RPUSD4: variants seen among roughly 807,000 people sequenced by gnomAD.
RPUSD4 encodes RNA pseudouridine synthase D4, also known as pseudouridylate synthase RPUSD4, mitochondrial.
Under a neutral mutation model 35.4 loss-of-function variants are expected in RPUSD4, and 37 were observed. That is an observed-to-expected ratio of 1.04 (90% CI 0.80 to 1.37). The LOEUF (loss-of-function observed/expected upper bound fraction) is 1.37. RPUSD4 is among the 40% of genes most tolerant of loss of function. The pLI is 0.00. For synonymous variants in RPUSD4, 210 were observed against 192.7 expected (o/e 1.09, Z -0.74); for missense variants, 507 against 484.9 (o/e 1.05, Z -0.43).
rs1949766687 is a variant in RPUSD4 at position 126,205,733 on chromosome 11, G to C, written c.606C>G (p.Ile202Met). 1.2e-6 allele frequency: 2 copies of C among 1,613,126 alleles called. No homozygotes were observed. Among genetic ancestry groups the C allele is most frequent in the Admixed American group, 3.3e-5 (2 of 59,926 alleles). Residue 202 changes from isoleucine (I) to methionine (M), a missense_variant, in exon 4 of 7, where the codon ATC (isoleucine) becomes ATG (methionine). Coordinates refer to ENST00000298317, the MANE Select transcript of RPUSD4 (RefSeq NM_032795.3). Reference sequence around the variant, plus strand: ...CTTGCGCCTCCTTCTCCACAATGGGGATGTCCACGACTCCTGCTGAGGGCA... The same window carrying C: ...CTTGCGCCTCCTTCTCCACAATGGGCATGTCCACGACTCCTGCTGAGGGCA... ...VPMPSAGVVD[I>M]PIVEKEAQGQ...
Position 126,205,604 on chromosome 11 carries a change from CA to C in RPUSD4, c.659del (p.Leu220CysfsTer13). On this transcript the variant is annotated frameshift_variant, in exon 5 of 7. Coordinates refer to ENST00000298317, the MANE Select transcript of RPUSD4 (RefSeq NM_032795.3). LOFTEE classifies it high-confidence loss of function. ...QGQQQHHKMT[L>X]SPSYRMDDGK... Reference sequence around the variant, plus strand: ...CATCGTCCATGCGGTAGCTCGGGGACAATGTCATCTGAAGCCAAAGAAATCA... The same window carrying C: ...CATCGTCCATGCGGTAGCTCGGGGACATGTCATCTGAAGCCAAAGAAATCA... 1 of 1,614,254 alleles carries C rather than the reference CA, an allele frequency of 6.2e-7. No individual in the cohort carries two copies. The highest frequency in any genetic ancestry group is 8.5e-7 in the Non-Finnish European group (1 of 1,180,038).
Position 126,204,227 on chromosome 11 carries a change from T to C in RPUSD4, c.894+4A>G, listed in dbSNP as rs752090699. 1.2e-6 allele frequency: 2 copies of C among 1,606,414 alleles called. No homozygotes were observed. Among genetic ancestry groups the C allele is most frequent in the Non-Finnish European group, 8.5e-7 (1 of 1,173,984 alleles). The stretch of plus-strand genomic sequence containing the variant: ...TGCTGCACATTGGGTCAAATTAGTA[T>C]TACCTGGGGGGCCAACCTATTCCAG... On this transcript the variant is annotated splice_donor_region_variant and intron_variant, in intron 6 of 6. Coordinates refer to ENST00000298317, the MANE Select transcript of RPUSD4 (RefSeq NM_032795.3).
At chr11:126,203,679 C>G (rs777723334) in intron 6 of RPUSD4, 22 bp from the exon 7 acceptor site, 24 of 1,599,078 alleles carry the variant, frequency 1.5e-5, no homozygotes, top group Admixed American at 3.4e-5. Context: ...AAGGACAGAC[C>G]CTTGAGAGCA....
At chr11:126,208,329 A>G (rs773722654) in intron 3 of RPUSD4, among the ~76,000 whole-genome samples, 2 of 152,250 alleles carry the variant, frequency 1.3e-5, no homozygotes, top group Non-Finnish European at 2.9e-5. Flanking sequence ...ACAGCTCTAA[A>G]CGTATGACAC....
intron 3 of RPUSD4, 58 bp downstream of exon 3, chr11:126,209,463 T>C (rs1405577281): frequency 2.1e-6 from 3 of 1,422,358 alleles, no homozygotes; most frequent in Non-Finnish European, 2.9e-6. Context: ...AATGAATAAA[T>C]AGGTGAAAGA....
intron 2 of RPUSD4, among the ~76,000 whole-genome samples, chr11:126,209,977 T>G (rs1949825303): frequency 6.6e-6 from 1 of 152,182 alleles, no homozygotes; most frequent in African/African-American, 2.4e-5. Flanking sequence ...CATATTAAAG[T>G]TTGAGAAACA....
At position 126,205,832 on chromosome 11, in the gene RPUSD4, C is replaced by A. The variant is rs1017312601; in HGVS notation, c.558-51G>T. On this transcript the variant is annotated intron_variant, in intron 3 of 6. Coordinates refer to ENST00000298317, the MANE Select transcript of RPUSD4 (RefSeq NM_032795.3). ...TAGCCAACCAAGCCAGAGAAGAACT[C>A]CTAGATTTGGCCACTTAGAGGATTT... The A allele has an allele frequency of 4.2e-6, 6 of 1,442,608 alleles. No individual in the cohort carries two copies. The South Asian group carries it at 6.8e-5, about 16-fold the overall frequency. The allele number at this position is 1,442,608 out of a possible 1,614,324, so 89.4% of individuals were successfully genotyped here.
At chr11:126,204,387 C>A in intron 5 of RPUSD4, 59 bp from the exon 6 acceptor site, 1 of 1,244,570 alleles carries the variant, frequency 8.0e-7, no homozygotes, top group East Asian at 2.4e-5. Flanking sequence ...GAAACAATAC[C>A]AGTATTGGCA....
In RPUSD4 at chr11:126,205,504, G is replaced by C. The variant is rs1355126007; in HGVS notation, c.760C>G (p.Leu254Val). The C allele has an allele frequency of 1.1e-5, 17 of 1,614,276 alleles. 1 individual carries two copies. In the South Asian group the frequency reaches 1.5e-4, roughly 15 times the overall value. The change falls in exon 5 of 7, where the codon CTC becomes GTC. Residue 254 changes from leucine to valine, a missense_variant. By Grantham distance (32) the Leu-to-Val change is conservative. Coordinates refer to ENST00000298317, the MANE Select transcript of RPUSD4 (RefSeq NM_032795.3). ...VTQYQVLSST[L>V]SSALVELQPI... ...TGGAGCTCCACGAGGGCGGAGGAGA[G>C]AGTGCTGCTGAGCACCTGGTACTGA...
At chr11:126,209,392 A>AT (rs1202511533) in intron 3 of RPUSD4, 129 bp downstream of exon 3, 2 of 757,340 alleles carry the variant, frequency 2.6e-6, no homozygotes, top group East Asian at 2.5e-5. Context: ...TGTTTCACAT[A>AT]TTTTTTACAA....
At chr11:126,210,127 C>A (rs1398712910) in intron 2 of RPUSD4, among the ~76,000 whole-genome samples, 2 of 152,134 alleles carry the variant, frequency 1.3e-5, no homozygotes, top group Admixed American at 1.3e-4. Flanking sequence ...TTCTTACTAG[C>A]CATTTTTTTG....
At position 126,209,534 on chromosome 11, in the gene RPUSD4, C is replaced by A. The variant is rs749960965; in HGVS notation, c.544G>T (p.Val182Leu). ...VQELFRTRQV[V>L]KKYWAITVHV... The stretch of plus-strand genomic sequence containing the variant: ...CAGGCCTCATACCAGTACTTCTTCA[C>A]CACCTGACGGGTTCTAAACAACTCT... The change falls in exon 3 of 7, where the codon GTG (valine) becomes TTG (leucine). Residue 182 changes from valine to leucine, a missense_variant. Transcript: ENST00000298317. 31 of 1,614,090 alleles carry A rather than the reference C, an allele frequency of 1.9e-5. No homozygotes were observed. The highest frequency in any genetic ancestry group is 2.5e-5 in the Non-Finnish European group (29 of 1,180,028).
At chr11:126,208,840 A>G (rs1949806378) in intron 3 of RPUSD4, 1 of 150,634 alleles carries the variant, frequency 6.6e-6, no homozygotes, top group Admixed American at 6.6e-5. Context: ...GAACCAGAGG[A>G]AAAAAAACCA....
chr11:126,204,838 T>C (rs1156777239), intron 5 of RPUSD4, among the ~76,000 whole-genome samples: 1 of 152,180 alleles, frequency 6.6e-6, no homozygotes, highest in Non-Finnish European at 1.5e-5. Context: ...AACAATTCCC[T>C]ATTTATCTCC....
Position 126,203,289 on chromosome 11 carries a change from G to C in RPUSD4, c.*129C>G. On this transcript the variant is annotated 3_prime_UTR_variant, in exon 7 of 7. Transcript: ENST00000298317. The stretch of plus-strand genomic sequence containing the variant: ...ATCCCACCTGGCTCTTACGCAGTCT[G>C]TTCCAAGTGAGAAGTTAGCAGAGTC... 7.1e-7 allele frequency: 1 copy of C among 1,401,008 alleles called. No homozygotes were observed. 86.8% of individuals were successfully genotyped at this position (1,401,008 alleles called of 1,614,324 possible).
intron 1 of RPUSD4, 159 bp downstream of exon 1, chr11:126,211,291 C>T: frequency 2.1e-6 from 2 of 956,320 alleles, no homozygotes; most frequent in Non-Finnish European, 1.6e-6. Context: ...AACACCGTAC[C>T]CTTACTGACC....
In RPUSD4 at chr11:126,203,395, G is replaced by A. The variant is rs372548293; in HGVS notation, c.*23C>T. The A allele has an allele frequency of 6.9e-6, 11 of 1,604,858 alleles. No individual in the cohort carries two copies. In the African/African-American group the frequency reaches 9.6e-5, roughly 14 times the overall value. On this transcript the variant is annotated 3_prime_UTR_variant, in exon 7 of 7. Transcript: ENST00000298317. ...CTCAGGGTCTTCACTGTGCTCCCAG[G>A]TGCCAGGGTGCTCCCATGGTCTTCA...
In RPUSD4 at chr11:126,205,531, T is replaced by A; in HGVS notation, c.733A>T (p.Thr245Ser). 6.2e-7 allele frequency: 1 copy of A among 1,614,206 alleles called. No individual in the cohort carries two copies. Among genetic ancestry groups the A allele is most frequent in the Non-Finnish European group, 8.5e-7 (1 of 1,180,040 alleles). The part of the protein sequence containing the change: ...RRSRNAQVAV[T>S]QYQVLSSTLS... ...GTGCTGCTGAGCACCTGGTACTGAG[T>A]TACAGCAACTTGCGCATTCCGGCTG... Residue 245 changes from threonine to serine, a missense_variant, in exon 5 of 7, where the codon ACT (threonine) becomes TCT (serine). Transcript: ENST00000298317.
At chr11:126,211,339 T>G in intron 1 of RPUSD4, 111 bp downstream of exon 1, 1 of 1,232,352 alleles carries the variant, frequency 8.1e-7, no homozygotes, top group East Asian at 2.3e-5. Context: ...CCACCTTGCG[T>G]CCGGGCTATT....
Sources: gnomAD v4.1 joint callset for allele counts (sites outside exome capture counted in the v4.1 genomes callset) on GRCh38, gnomAD v4.1.1 for gene constraint, MANE v1.5 for transcripts, NCBI Gene and HGNC (gene_info 2026-07-23, HGNC 2026-07-21) for gene names.